AGMO: variants seen among roughly 807,000 people sequenced by gnomAD.
AGMO encodes glyceryl-ether monooxygenase.
In AGMO, 75 loss-of-function variants were observed where a neutral mutation model predicts 60.2. The observed-to-expected ratio is 1.25, with a 90% CI of 1.03 to 1.51. The LOEUF is 1.51. AGMO is among the 40% of genes most tolerant of loss of function. The pLI is 0.00. For synonymous variants in AGMO, 261 were observed against 177.1 expected (o/e 1.47, Z -3.76); for missense variants, 763 against 525.5 (o/e 1.45, Z -4.42).
chr7:15,363,528 T>C (rs1178460117), intron 12 of AGMO, among the ~76,000 whole-genome samples: 1 of 152,174 alleles, frequency 6.6e-6, no homozygotes. Context: ...AAAGAACACA[T>C]AGCTACTTAG....
chr7:15,252,311 G>A (rs1471785078), intron 12 of AGMO, among the ~76,000 whole-genome samples: 1 of 152,174 alleles, frequency 6.6e-6, no homozygotes, highest in African/African-American at 2.4e-5. Context: ...TCGGCTCCAT[G>A]AGCCCTGCCT....
At chr7:15,296,277 T>C (rs1427510892) in intron 12 of AGMO, among the ~76,000 whole-genome samples, 2 of 151,914 alleles carry the variant, frequency 1.3e-5, no homozygotes, top group Non-Finnish European at 2.9e-5. Flanking sequence ...GACTTCTACG[T>C]AACTTCCATG....
chr7:15,359,566 A>G (rs1782675220), intron 12 of AGMO, among the ~76,000 whole-genome samples: 1 of 152,154 alleles, frequency 6.6e-6, no homozygotes, highest in Non-Finnish European at 1.5e-5. Flanking sequence ...GCAGTTCTTA[A>G]ATATGAGTCC....
chr7:15,552,380 G>C (rs954990620), intron 2 of AGMO, among the ~76,000 whole-genome samples: 3 of 152,110 alleles, frequency 2.0e-5, no homozygotes, highest in African/African-American at 7.2e-5. Flanking sequence ...AGAGTGAACA[G>C]GCAACCTACA....
chr7:15,388,557 T>C (rs921845439), intron 8 of AGMO, among the ~76,000 whole-genome samples: 1 of 152,214 alleles, frequency 6.6e-6, no homozygotes, highest in African/African-American at 2.4e-5. Context: ...GAGAAATATA[T>C]GGTAATGTTT....
chr7:15,449,137 A>G (rs929898993), intron 3 of AGMO, among the ~76,000 whole-genome samples: 15 of 152,210 alleles, frequency 9.9e-5, no homozygotes, highest in Non-Finnish European at 2.9e-5. Context: ...CCTTCATACA[A>G]AAAGGTAAAC....
At chr7:15,380,112 C>T (rs747697886) in intron 10 of AGMO, among the ~76,000 whole-genome samples, 6 of 151,986 alleles carry the variant, frequency 3.9e-5, no homozygotes, top group Non-Finnish European at 8.8e-5. Flanking sequence ...ACAAGTATGC[C>T]CTCCGTCTCT....
At chr7:15,128,305 G>C in the AGMO span, among the ~76,000 whole-genome samples, 1 of 152,052 alleles carries the variant, frequency 6.6e-6, no homozygotes, top group Non-Finnish European at 1.5e-5. Flanking sequence ...AGAAAGAAAA[G>C]GAAGAGATGA....
intron 3 of AGMO, among the ~76,000 whole-genome samples, chr7:15,506,359 C>T (rs1783512660): frequency 1.3e-5 from 2 of 151,936 alleles, no homozygotes; most frequent in Admixed American, 6.6e-5. Flanking sequence ...AATGACAGAG[C>T]AGAAATTCAA....
chr7:15,286,612 T>C lies in AGMO; in HGVS notation c.1263+78902A>G, dbSNP rs569622454. Among the ~76,000 whole-genome samples the C allele has an allele frequency of 2.0e-5, 3 of 152,280 alleles. No homozygotes were observed. In the East Asian group the frequency reaches 5.8e-4, roughly 29 times the overall value. On this transcript the variant is annotated intron_variant, in intron 12 of 12. Coordinates refer to ENST00000342526, the MANE Select transcript of AGMO (RefSeq NM_001004320.2). ...CAGGTATGGTGAAAGGGAATGCTCA[T>C]ACACTGCTGGTGGGAATGTAAATTA...
rs148384316 is a variant in AGMO at position 15,493,040 on chromosome 7, G to C, written c.409+51732C>G. ...TTTTTCCCATTATTTCCTTAGAATAGATTCCTAAGAGTGGAAGGGTTGTTT... is the reference window on the plus strand; with the variant it reads ...TTTTTCCCATTATTTCCTTAGAATACATTCCTAAGAGTGGAAGGGTTGTTT... On this transcript the variant is annotated intron_variant, in intron 3 of 12. Transcript: ENST00000342526. Among the ~76,000 whole-genome samples the C allele has an allele frequency of 4.1e-3, 626 of 152,196 alleles. 5 individuals carry two copies. Among genetic ancestry groups the C allele is most frequent in the African/African-American group, 0.014 (585 of 41,522 alleles).
intron 5 of AGMO, among the ~76,000 whole-genome samples, chr7:15,395,530 A>C (rs1035808993): frequency 6.6e-6 from 1 of 152,290 alleles, no homozygotes; most frequent in Non-Finnish European, 1.5e-5. Flanking sequence ...TAGAAAATGC[A>C]TTTGTTTAGC....
intron 12 of AGMO, among the ~76,000 whole-genome samples, chr7:15,321,163 G>A (rs1781095990): frequency 6.6e-6 from 1 of 152,042 alleles, no homozygotes. Flanking sequence ...AACCTAACTG[G>A]AATTAATAGA....
intron 12 of AGMO, among the ~76,000 whole-genome samples, chr7:15,340,362 G>C (rs62450337): frequency 0.17 from 25,983 of 152,064 alleles, 2,277 homozygotes; most frequent in East Asian, 0.21. Context: ...TTTGACTTAG[G>C]GATGCTCAAC....
At chr7:15,276,691 A>G (rs1363663539) in intron 12 of AGMO, among the ~76,000 whole-genome samples, 1 of 151,842 alleles carries the variant, frequency 6.6e-6, no homozygotes, top group Non-Finnish European at 1.5e-5. Flanking sequence ...AGTTTTAGTG[A>G]CTTTATATAA....
At chr7:15,222,651 A>G (rs1442684359) in intron 12 of AGMO, among the ~76,000 whole-genome samples, 1 of 152,046 alleles carries the variant, frequency 6.6e-6, no homozygotes, top group African/African-American at 2.4e-5. Flanking sequence ...ATTTCTTTAT[A>G]ATGAACATTT....
chr7:15,374,241 A>C (rs1381527044), intron 10 of AGMO, among the ~76,000 whole-genome samples: 3 of 152,040 alleles, frequency 2.0e-5, no homozygotes. Context: ...TCTTTTCCCT[A>C]CTTTTTCAGA....
In AGMO at chr7:15,289,611, T is replaced by C. The variant is rs958449833; in HGVS notation, c.1263+75903A>G. Among the ~76,000 whole-genome samples, 13 of 152,166 alleles carry C rather than the reference T, an allele frequency of 8.5e-5. No homozygotes were observed. The East Asian group carries it at 2.5e-3, about 29-fold the overall frequency. ...GTTCTAATAAGTTTATAATATTTTT[T>C]AATAATAGATATTATAAGTTTATCT... On this transcript the variant is annotated intron_variant, in intron 12 of 12. Transcript: ENST00000342526.
chr7:15,529,272 T>C (rs917238929), intron 3 of AGMO, among the ~76,000 whole-genome samples: 2 of 151,608 alleles, frequency 1.3e-5, no homozygotes, highest in Non-Finnish European at 2.9e-5. Context: ...ACATGGAAAG[T>C]ATTGAAACAA....
Sources: gnomAD v4.1 joint callset for allele counts (sites outside exome capture counted in the v4.1 genomes callset) on GRCh38, gnomAD v4.1.1 for gene constraint, MANE v1.5 for transcripts, NCBI Gene and HGNC (gene_info 2026-07-23, HGNC 2026-07-21) for gene names.